Variants in ZNF407 observed in about 807,000 individuals in gnomAD.
ZNF407 encodes the protein zinc finger protein 407.
A neutral mutation model predicts 131.2 loss-of-function variants in ZNF407; 17 were observed. That is an observed-to-expected ratio of 0.13 (90% CI 0.09 to 0.19). The LOEUF is 0.19. Ranked by LOEUF, ZNF407 falls within the 10% of genes least tolerant of loss-of-function variation. The pLI, the probability that ZNF407 is intolerant of heterozygous loss-of-function variation, is 1.00. For missense variants in ZNF407, 2,681 were observed against 2,830.6 expected (o/e 0.95, Z 1.20); for synonymous variants, 1,156 against 1,062.0 (o/e 1.09, Z -1.72).
chr18:74,863,207 C>T (rs1970962611), intron 4 of ZNF407, among the ~76,000 whole-genome samples: 2 of 151,664 alleles, frequency 1.3e-5, no homozygotes, highest in African/African-American at 4.8e-5. Flanking sequence ...AGGTGTGAGC[C>T]ACCGCACCCG....
At chr18:74,918,691 CTGT>C (rs1971805923) in intron 7 of ZNF407, among the ~76,000 whole-genome samples, 2 of 152,046 alleles carry the variant, frequency 1.3e-5, no homozygotes, top group African/African-American at 2.4e-5. Flanking sequence ...GGGAAAATAT[CTGT>C]TGTTCTAGTC....
chr18:74,694,555 T>C (rs182260295), intron 3 of ZNF407, among the ~76,000 whole-genome samples: 3 of 152,132 alleles, frequency 2.0e-5, no homozygotes, highest in African/African-American at 7.2e-5. Flanking sequence ...TTTGGGCAGC[T>C]CACTCCTTTC....
chr18:74,844,442 A>G (rs1483801836), intron 4 of ZNF407, among the ~76,000 whole-genome samples: 1 of 152,194 alleles, frequency 6.6e-6, no homozygotes, highest in Non-Finnish European at 1.5e-5. Flanking sequence ...TGCCCTTAAC[A>G]CAAGTATTTA....
intron 8 of ZNF407, among the ~76,000 whole-genome samples, chr18:75,038,579 A>T (rs1973336981): frequency 6.6e-6 from 1 of 152,212 alleles, no homozygotes; most frequent in Non-Finnish European, 1.5e-5. Flanking sequence ...GGGACAACGA[A>T]AAGGTGATAC....
intron 8 of ZNF407, among the ~76,000 whole-genome samples, chr18:74,966,510 T>C (rs1388871483): frequency 6.6e-6 from 1 of 152,200 alleles, no homozygotes; most frequent in Non-Finnish European, 1.5e-5. Flanking sequence ...TGTATTCTGT[T>C]CCCTGGGTCT....
intron 4 of ZNF407, among the ~76,000 whole-genome samples, chr18:74,836,363 G>A (rs764928896): frequency 2.0e-5 from 3 of 152,162 alleles, no homozygotes; most frequent in Non-Finnish European, 4.4e-5. Context: ...TTGGTGTTAG[G>A]GATGGGCTCT....
intron 8 of ZNF407, among the ~76,000 whole-genome samples, chr18:75,006,301 T>C (rs77290840): frequency 0.019 from 2,960 of 152,330 alleles, 104 homozygotes; most frequent in African/African-American, 0.066. Flanking sequence ...TCTACTCTTA[T>C]GATTTATTTT....
At chr18:75,060,585 G>A (rs560735066) in intron 8 of ZNF407, among the ~76,000 whole-genome samples, 47 of 145,664 alleles carry the variant, frequency 3.2e-4, no homozygotes, top group South Asian at 8.7e-4. Context: ...GGCTCACTGC[G>A]AGCTCCGCCT....
intron 7 of ZNF407, among the ~76,000 whole-genome samples, chr18:74,900,611 G>A (rs989152832): frequency 1.3e-5 from 2 of 152,074 alleles, no homozygotes; most frequent in Admixed American, 1.3e-4. Flanking sequence ...TCTTTTCTGT[G>A]ACTAATTTTA....
At chr18:74,920,998 A>T (rs1207375616) in intron 8 of ZNF407, 1 of 1,065,230 alleles carries the variant, frequency 9.4e-7, no homozygotes, top group African/African-American at 1.7e-5. Context: ...TTAAATCTTC[A>T]TATGTTGACT....
At chr18:74,718,260 C>T (rs1967944817) in intron 3 of ZNF407, among the ~76,000 whole-genome samples, 1 of 151,534 alleles carries the variant, frequency 6.6e-6, no homozygotes, top group Non-Finnish European at 1.5e-5. Context: ...CTTTTCGTCA[C>T]TGTTAACTTA....
chr18:74,701,339 A>G (rs566919375), intron 3 of ZNF407, among the ~76,000 whole-genome samples: 3 of 152,220 alleles, frequency 2.0e-5, no homozygotes, highest in Non-Finnish European at 2.9e-5. Context: ...TCGCAAAGAA[A>G]TAACTATTAT....
intron 4 of ZNF407, among the ~76,000 whole-genome samples, chr18:74,858,695 A>G (rs1388606203): frequency 6.6e-6 from 1 of 152,146 alleles, no homozygotes; most frequent in African/African-American, 2.4e-5. Flanking sequence ...TCAATGTTTC[A>G]TGTAGTTCTT....
In ZNF407 at chr18:75,048,227, A is replaced by G. The variant is rs1973458337; in HGVS notation, c.5429-14923A>G. Among the ~76,000 whole-genome samples, 3 of 152,118 alleles carry G rather than the reference A, an allele frequency of 2.0e-5. No homozygotes were observed. The highest frequency in any genetic ancestry group is 4.8e-5 in the African/African-American group (2 of 41,428). On this transcript the variant is annotated intron_variant, in intron 8 of 8. Coordinates refer to ENST00000299687, the MANE Select transcript of ZNF407 (RefSeq NM_017757.3). This position sits in a 1 kb window ranked among gnomAD's most constrained non-coding sequence, Gnocchi z 4.1. Reference sequence around the variant, plus strand: ...CACCGCCCTTTTTGCTCTCAATGGTATTCTGATTTCACTGATTAATTTCGT... The same window carrying G: ...CACCGCCCTTTTTGCTCTCAATGGTGTTCTGATTTCACTGATTAATTTCGT...
chr18:75,060,796 C>T (rs1035577384), intron 8 of ZNF407, among the ~76,000 whole-genome samples: 10 of 152,186 alleles, frequency 6.6e-5, no homozygotes, highest in Non-Finnish European at 1.2e-4. Context: ...TCGGCCACCG[C>T]GCCCGGCCGC....
chr18:74,650,906 G>A lies in ZNF407; in HGVS notation c.4802+9784G>A, dbSNP rs138070471. Among the ~76,000 whole-genome samples the A allele has an allele frequency of 4.8e-3, 726 of 152,030 alleles. 7 individuals are homozygous for A. The highest frequency in any genetic ancestry group is 0.027 in the South Asian group (129 of 4,820). On this transcript the variant is annotated intron_variant, in intron 3 of 8. Transcript: ENST00000299687. ...CATTTCCATTTCTGTAGTGGAGGGG[G>A]CAAGAAATTGCTATATATGTGTGTG... is the stretch of plus-strand genomic sequence containing the variant.
At chr18:74,714,513 G>C (rs1455987971) in intron 3 of ZNF407, among the ~76,000 whole-genome samples, 1 of 152,010 alleles carries the variant, frequency 6.6e-6, no homozygotes, top group Non-Finnish European at 1.5e-5. Context: ...TTCCTTTTTA[G>C]AAGTGAACAA....
At chr18:74,624,561 C>T (rs1983706196) in intron 1 of ZNF407, among the ~76,000 whole-genome samples, 2 of 152,182 alleles carry the variant, frequency 1.3e-5, no homozygotes, top group South Asian at 2.1e-4. Context: ...GTATGTCTTG[C>T]GTCTTGAAAA....
intron 8 of ZNF407, among the ~76,000 whole-genome samples, chr18:74,971,540 C>T (rs1972472468): frequency 6.6e-6 from 1 of 152,210 alleles, no homozygotes; most frequent in African/African-American, 2.4e-5. Flanking sequence ...CCAGGAGTCT[C>T]TGCTAAAACG....
Sources: gnomAD v4.1 joint callset for allele counts (sites outside exome capture counted in the v4.1 genomes callset) on GRCh38, gnomAD v4.1.1 for gene constraint, Gnocchi (gnomAD v3.1) non-coding constraint, MANE v1.5 for transcripts, NCBI Gene and HGNC (gene_info 2026-07-23, HGNC 2026-07-21) for gene names.